Variants in PRMT8 observed in about 807,000 individuals in gnomAD.
The protein encoded by PRMT8 is protein arginine N-methyltransferase 8.
In PRMT8, 7 loss-of-function variants were observed where a neutral mutation model predicts 47.1. The ratio of observed to expected loss-of-function variants is 0.15; its 90% CI spans 0.08 to 0.28. The LOEUF is 0.28. PRMT8 is among the 10% of genes least tolerant of loss of function. The probability of loss-of-function intolerance (pLI) is 1.00; values close to 1 mark genes in which losing one functional copy is unlikely to be tolerated. For missense variants in PRMT8, 237 were observed against 505.4 expected (o/e 0.47, Z 5.09); for synonymous variants, 188 against 186.5 (o/e 1.01, Z -0.07).
intron 7 of PRMT8, among the ~76,000 whole-genome samples, chr12:3,577,664 G>A (rs1866972736): frequency 7.5e-6 from 1 of 133,970 alleles, no homozygotes; most frequent in Non-Finnish European, 1.6e-5. Context: ...AACATTAAGA[G>A]ACTTTTTTGT....
chr12:3,429,507 CTT>C (rs1399055598), intron 1 of PRMT8, among the ~76,000 whole-genome samples: 1 of 152,204 alleles, frequency 6.6e-6, no homozygotes, highest in African/African-American at 2.4e-5. Context: ...CACACACACA[CTT>C]TTACAGTTTA....
At chr12:3,421,806 G>C (rs1197849549) in intron 1 of PRMT8, among the ~76,000 whole-genome samples, 1 of 152,208 alleles carries the variant, frequency 6.6e-6, no homozygotes, top group African/African-American at 2.4e-5. Context: ...TGCAAAAGCA[G>C]AACCATTAAC....
chr12:3,587,105 C>G (rs1591617621), intron 8 of PRMT8, among the ~76,000 whole-genome samples: 1 of 151,666 alleles, frequency 6.6e-6, no homozygotes, highest in African/African-American at 2.4e-5. Context: ...TAGATTAATC[C>G]TAATTCTTGG....
At chr12:3,482,534 G>A (rs1865284777) in intron 1 of PRMT8, among the ~76,000 whole-genome samples, 1 of 152,214 alleles carries the variant, frequency 6.6e-6, no homozygotes, top group African/African-American at 2.4e-5. Context: ...TGTGCAAGCT[G>A]GAGTGACAGC....
chr12:3,447,617 A>AC (rs1343386089), intron 1 of PRMT8, among the ~76,000 whole-genome samples: 1 of 151,748 alleles, frequency 6.6e-6, no homozygotes, highest in Non-Finnish European at 1.5e-5. Flanking sequence ...CTGCCCACTG[A>AC]CCTCCTGTAC....
In PRMT8 at chr12:3,583,832, C is replaced by T. The variant is rs369453920; in HGVS notation, c.979+624C>T. ...TGGCCCACTCTCCAGCCTCATTCCT[C>T]ACCACCCCTCTTGGCCGAGCCCTGT... On this transcript the variant is annotated intron_variant, in intron 8 of 9. Coordinates refer to ENST00000382622, the MANE Select transcript of PRMT8 (RefSeq NM_019854.5). The surrounding 1 kb of genome is among the most constrained non-coding windows in gnomAD (Gnocchi z 4.7). 2.4e-4 allele frequency among the ~76,000 whole-genome samples: 36 copies of T among 152,232 alleles called. No individual in the cohort carries two copies. Among genetic ancestry groups the T allele is most frequent in the African/African-American group, 8.7e-4 (36 of 41,474 alleles).
At chr12:3,433,527 C>G (rs879269242) in intron 1 of PRMT8, among the ~76,000 whole-genome samples, 2 of 152,172 alleles carry the variant, frequency 1.3e-5, no homozygotes, top group African/African-American at 2.4e-5. Context: ...GTAATTTGCT[C>G]AAGATCACAC....
chr12:3,403,483 GAAA>G (rs1364811338), intron 1 of PRMT8, among the ~76,000 whole-genome samples: 9 of 111,226 alleles, frequency 8.1e-5, no homozygotes, highest in African/African-American at 2.9e-4. Flanking sequence ...AAAAGTTGAA[GAAA>G]AAAAAAAAAG....
chr12:3,565,023 A>T (rs368974728), intron 4 of PRMT8, among the ~76,000 whole-genome samples: 1 of 152,376 alleles, frequency 6.6e-6, no homozygotes, highest in East Asian at 1.9e-4. Flanking sequence ...TCAGCTGGAC[A>T]GTTGTATTTG....
At chr12:3,432,830 A>C (rs985816309) in intron 1 of PRMT8, among the ~76,000 whole-genome samples, 8 of 152,218 alleles carry the variant, frequency 5.3e-5, no homozygotes, top group African/African-American at 1.9e-4. Flanking sequence ...GGGACTCAAC[A>C]CATGAAATGA....
chr12:3,386,953 C>T (rs1864146344), intron 1 of PRMT8, among the ~76,000 whole-genome samples: 1 of 152,126 alleles, frequency 6.6e-6, no homozygotes, highest in Admixed American at 6.5e-5. Context: ...CATGATCCGC[C>T]CACCTTGGCC....
chr12:3,404,085 T>TA (rs1864348986), intron 1 of PRMT8, among the ~76,000 whole-genome samples: 1 of 152,102 alleles, frequency 6.6e-6, no homozygotes, highest in African/African-American at 2.4e-5. Context: ...CATAGTTACT[T>TA]AAGAATGTTT....
rs74444068 is a variant in PRMT8, at chr12:3,507,962, C to G, written c.75+16262C>G. Among the ~76,000 whole-genome samples, 720 of 152,218 alleles carry G rather than the reference C, an allele frequency of 4.7e-3. 1 individual carries two copies. Among genetic ancestry groups the G allele is most frequent in the African/African-American group, 0.014 (572 of 41,538 alleles). On this transcript the variant is annotated intron_variant, in intron 1 of 9. Coordinates refer to ENST00000382622, the MANE Select transcript of PRMT8 (RefSeq NM_019854.5). Reference sequence around the variant, plus strand: ...TTTCCCCTTTTTTCCCACATTAAAGCTGTTGACCCAGTATGGTGTAGGGGA... The same window carrying G: ...TTTCCCCTTTTTTCCCACATTAAAGGTGTTGACCCAGTATGGTGTAGGGGA...
intron 8 of PRMT8, among the ~76,000 whole-genome samples, chr12:3,592,000 G>C (rs570150236): frequency 6.6e-6 from 1 of 152,124 alleles, no homozygotes; most frequent in Non-Finnish European, 1.5e-5. Context: ...GCACTGAGGA[G>C]ATGGGGATGT....
chr12:3,567,948 C>T (rs1432656111), intron 4 of PRMT8, among the ~76,000 whole-genome samples: 6 of 152,078 alleles, frequency 3.9e-5, no homozygotes, highest in Non-Finnish European at 7.4e-5. Flanking sequence ...TGGCACATGC[C>T]TGTAATCCCA....
At chr12:3,419,472 T>C (rs1214066736) in intron 1 of PRMT8, among the ~76,000 whole-genome samples, 1 of 152,186 alleles carries the variant, frequency 6.6e-6, no homozygotes, top group Non-Finnish European at 1.5e-5. Flanking sequence ...CTACCTGGGC[T>C]GTCTCTCTTG....
chr12:3,525,777 G>A (rs935157031), intron 1 of PRMT8, among the ~76,000 whole-genome samples: 2 of 152,022 alleles, frequency 1.3e-5, no homozygotes, highest in African/African-American at 4.8e-5. Context: ...TGCTGATTTC[G>A]GTGGTTTAAA....
intron 1 of PRMT8, among the ~76,000 whole-genome samples, chr12:3,515,196 T>G (rs1373134593): frequency 1.3e-5 from 2 of 152,218 alleles, no homozygotes; most frequent in African/African-American, 4.8e-5. Context: ...CAACAGGTGC[T>G]GGCTGTGGTT....
intron 1 of PRMT8, among the ~76,000 whole-genome samples, chr12:3,433,611 G>A (rs1864705423): frequency 6.6e-6 from 1 of 151,518 alleles, no homozygotes; most frequent in African/African-American, 2.4e-5. Context: ...TAGATTTAGT[G>A]ACAAGATTTT....
Sources: gnomAD v4.1 joint callset for allele counts (sites outside exome capture counted in the v4.1 genomes callset) on GRCh38, gnomAD v4.1.1 for gene constraint, Gnocchi (gnomAD v3.1) non-coding constraint, MANE v1.5 for transcripts, NCBI Gene and HGNC (gene_info 2026-07-23, HGNC 2026-07-21) for gene names.